The following CHRM3 variants were observed in gnomAD, a reference collection of about 807,000 sequenced individuals.
CHRM3 encodes the protein muscarinic acetylcholine receptor M3.
A neutral mutation model predicts 41.8 loss-of-function variants in CHRM3; 11 were observed. That is an observed-to-expected ratio of 0.26 (90% CI 0.17 to 0.44). The LOEUF (loss-of-function observed/expected upper bound fraction) is 0.44, where lower values mean the gene tolerates loss of function less well. Ranked by LOEUF, CHRM3 falls within the 20% of genes least tolerant of loss-of-function variation. The pLI is 1.00. For missense variants in CHRM3, 571 were observed against 745.4 expected (o/e 0.77, Z 2.72); for synonymous variants, 297 against 301.4 (o/e 0.99, Z 0.15).
In CHRM3 at chr1:239,782,930, T is replaced by C. The variant is rs369886752; in HGVS notation, c.-146-44322T>C. On this transcript the variant is annotated intron_variant, in intron 5 of 6. Transcript: ENST00000676153. ...TTTGGGGACTTTTCAGCTATAGTTATTGTTTTTTAATTTAGTTTCATTGTA... is the reference window on the plus strand; with the variant it reads ...TTTGGGGACTTTTCAGCTATAGTTACTGTTTTTTAATTTAGTTTCATTGTA... Among the ~76,000 whole-genome samples the C allele has an allele frequency of 2.0e-5, 3 of 152,260 alleles. No homozygotes were observed. The South Asian group carries it at 6.2e-4, about 32-fold the overall frequency.
chr1:239,586,008 A>G (rs1254213391), intron 3 of CHRM3, among the ~76,000 whole-genome samples: 3 of 152,202 alleles, frequency 2.0e-5, no homozygotes, highest in African/African-American at 7.2e-5. Flanking sequence ...ATAAATCATA[A>G]TGCAGATCTT....
chr1:239,422,974 C>T (rs796281195), intron 1 of CHRM3, among the ~76,000 whole-genome samples: 2 of 152,144 alleles, frequency 1.3e-5, no homozygotes, highest in African/African-American at 4.8e-5. Context: ...AGAGGGCGGG[C>T]TTCAAAGATC....
intron 5 of CHRM3, among the ~76,000 whole-genome samples, chr1:239,818,436 C>G (rs564709956): frequency 7.2e-5 from 11 of 152,318 alleles, no homozygotes; most frequent in South Asian, 2.1e-4. Flanking sequence ...CTCACCCTTT[C>G]TGAGCTTCCT....
At chr1:239,430,208 C>T (rs1198977041) in intron 1 of CHRM3, among the ~76,000 whole-genome samples, 4 of 151,702 alleles carry the variant, frequency 2.6e-5, no homozygotes, top group Admixed American at 6.6e-5. Context: ...CCTCGTGATC[C>T]GCCCTCCTCA....
At chr1:239,780,514 T>C (rs767247308) in intron 5 of CHRM3, among the ~76,000 whole-genome samples, 1 of 152,208 alleles carries the variant, frequency 6.6e-6, no homozygotes, top group Non-Finnish European at 1.5e-5. Flanking sequence ...TTGTATATTT[T>C]GGAGAACAGT....
At chr1:239,439,567 A>C (rs1399856271) in intron 1 of CHRM3, among the ~76,000 whole-genome samples, 1 of 152,160 alleles carries the variant, frequency 6.6e-6, no homozygotes, top group East Asian at 1.9e-4. Context: ...TTATTGGATA[A>C]ATCCTGATAA....
rs921097534 is a variant in CHRM3 at position 239,913,016 on chromosome 1, A to T, written c.*3792A>T. ...TTCTCTAATTTGCCTTCTGATGCCAAATCGGTCAAAACTGAGGTCAGCAGC... is the reference window on the plus strand; with the variant it reads ...TTCTCTAATTTGCCTTCTGATGCCATATCGGTCAAAACTGAGGTCAGCAGC... On this transcript the variant is annotated 3_prime_UTR_variant, in exon 7 of 7. Coordinates refer to ENST00000676153, the MANE Select transcript of CHRM3 (RefSeq NM_001375978.1). The T allele has an allele frequency of 6.0e-6, 1 of 167,082 alleles. No homozygotes were observed. The highest frequency in any genetic ancestry group is 1.5e-5 in the Non-Finnish European group (1 of 68,110). 10.3% of individuals were successfully genotyped at this position (167,082 alleles called of 1,614,324 possible). A position where few individuals can be genotyped will look rare whatever the true frequency, so the allele number is the denominator to read the frequency against.
At chr1:239,867,988 G>A (rs1676258347) in intron 6 of CHRM3, among the ~76,000 whole-genome samples, 1 of 152,154 alleles carries the variant, frequency 6.6e-6, no homozygotes, top group South Asian at 2.1e-4. Context: ...CCTGTGTTTA[G>A]CCAGTCACAG....
intron 1 of CHRM3, among the ~76,000 whole-genome samples, chr1:239,465,548 C>T (rs1438795265): frequency 6.6e-6 from 1 of 152,110 alleles, no homozygotes; most frequent in Non-Finnish European, 1.5e-5. Context: ...TCTTTAGTTT[C>T]TCTGTGTTGG....
chr1:239,580,577 A>G (rs1244901363), intron 3 of CHRM3, among the ~76,000 whole-genome samples: 1 of 151,358 alleles, frequency 6.6e-6, no homozygotes, highest in Non-Finnish European at 1.5e-5. Flanking sequence ...TACCAAAACT[A>G]ATAGTACAAT....
intron 1 of CHRM3, among the ~76,000 whole-genome samples, chr1:239,485,983 G>T (rs557446488): frequency 5.9e-5 from 9 of 152,088 alleles, no homozygotes; most frequent in African/African-American, 2.2e-4. Context: ...CTTACCTAGG[G>T]GTACTCTCAT....
At chr1:239,878,702 C>G (rs899867045) in intron 6 of CHRM3, among the ~76,000 whole-genome samples, 8 of 151,872 alleles carry the variant, frequency 5.3e-5, no homozygotes, top group Non-Finnish European at 1.0e-4. Flanking sequence ...GGTAGCTTGT[C>G]GGACATGAGG....
At chr1:239,634,049 T>G (rs1489796445) in intron 4 of CHRM3, among the ~76,000 whole-genome samples, 2 of 152,204 alleles carry the variant, frequency 1.3e-5, no homozygotes, top group African/African-American at 2.4e-5. Flanking sequence ...TTAAGAACTT[T>G]GTCCTGTGAA....
intron 5 of CHRM3, among the ~76,000 whole-genome samples, chr1:239,721,805 C>T (rs1207945564): frequency 6.6e-6 from 1 of 151,734 alleles, no homozygotes; most frequent in Non-Finnish European, 1.5e-5. Flanking sequence ...CATAGGCACT[C>T]ATGAAACAAT....
chr1:239,550,506 A>G (rs1009269739), intron 3 of CHRM3, among the ~76,000 whole-genome samples: 2 of 152,192 alleles, frequency 1.3e-5, no homozygotes, highest in African/African-American at 4.8e-5. Flanking sequence ...TTTTATCCTT[A>G]GATTGCACAA....
At chr1:239,712,404 T>A (rs1238938779) in intron 5 of CHRM3, among the ~76,000 whole-genome samples, 1 of 152,224 alleles carries the variant, frequency 6.6e-6, no homozygotes, top group Admixed American at 6.5e-5. Context: ...GAAATATTTC[T>A]GTAAAATAAG....
chr1:239,620,109 T>A (rs1668192024), intron 3 of CHRM3, among the ~76,000 whole-genome samples: 1 of 152,200 alleles, frequency 6.6e-6, no homozygotes, highest in South Asian at 2.1e-4. Flanking sequence ...AATTATAGTT[T>A]TGTGGGAAAA....
intron 2 of CHRM3, among the ~76,000 whole-genome samples, chr1:239,516,945 C>T (rs1236125793): frequency 2.0e-5 from 3 of 152,084 alleles, no homozygotes; most frequent in Non-Finnish European, 4.4e-5. Flanking sequence ...GTCACTGTCT[C>T]TCCCATCACC....
At chr1:239,509,755 A>T (rs1331974992) in intron 2 of CHRM3, among the ~76,000 whole-genome samples, 1 of 152,190 alleles carries the variant, frequency 6.6e-6, no homozygotes, top group African/African-American at 2.4e-5. Flanking sequence ...TTGCTTAGAT[A>T]TCGTGTATGC....
Sources: allele counts gnomAD v4.1 joint callset (sites outside exome capture counted in the v4.1 genomes callset), GRCh38; gene constraint gnomAD v4.1.1; transcripts MANE v1.5; gene names NCBI Gene and HGNC (gene_info 2026-07-23, HGNC 2026-07-21).